The following NXN variants were observed in gnomAD, a reference collection of about 807,000 sequenced individuals.
The protein encoded by NXN is nucleoredoxin 1.
A neutral mutation model predicts 48.6 loss-of-function variants in NXN; 16 were observed. The observed-to-expected ratio is 0.33, with a 90% CI of 0.22 to 0.50. The LOEUF is 0.50. NXN is among the 20% of genes least tolerant of loss of function. NXN has a pLI of 0.98. For synonymous variants in NXN, 281 were observed against 269.6 expected, an observed-to-expected ratio of 1.04 and a Z score of -0.41; for missense variants, 492 against 605.5, an observed-to-expected ratio of 0.81 and a Z score of 1.97.
chr17:950,212 A>G (rs531507913), intron 1 of NXN, among the ~76,000 whole-genome samples: 72 of 152,316 alleles, frequency 4.7e-4, no homozygotes, highest in African/African-American at 1.7e-3. Context: ...GGACTGCAGC[A>G]GTAAAGCTGG....
chr17:894,704 G>A (rs1378977671), intron 1 of NXN, among the ~76,000 whole-genome samples: 1 of 152,222 alleles, frequency 6.6e-6, no homozygotes, highest in African/African-American at 2.4e-5. Context: ...TCCTGCCGGG[G>A]GCAGCCTCTG....
rs562147453 is a variant in NXN, at chr17:885,939, C to G, written c.361-59861G>C. On this transcript the variant is annotated intron_variant, in intron 1 of 7. Coordinates refer to ENST00000336868, the MANE Select transcript of NXN (RefSeq NM_022463.5). ...TCCTGACCTCGTGATCCGCCCGCCT[C>G]GGCCTCCCAAAGTGCTGGGATTATA... Among the ~76,000 whole-genome samples the G allele has an allele frequency of 1.5e-3, 232 of 152,020 alleles. 1 individual carries two copies. The highest frequency in any genetic ancestry group is 5.2e-3 in the African/African-American group (216 of 41,462).
At chr17:880,001 G>A (rs2068266446) in intron 1 of NXN, 1 of 152,166 alleles carries the variant, frequency 6.6e-6, no homozygotes, top group Non-Finnish European at 1.5e-5. Flanking sequence ...GAGCCATGTG[G>A]TTAAGATGGA....
intron 1 of NXN, among the ~76,000 whole-genome samples, chr17:966,160 G>A (rs367573530): frequency 6.6e-6 from 1 of 151,466 alleles, no homozygotes; most frequent in Non-Finnish European, 1.5e-5. Flanking sequence ...ATGAGATCTC[G>A]CGACATGGTA....
intron 1 of NXN, among the ~76,000 whole-genome samples, chr17:844,017 C>T (rs1209652867): frequency 1.3e-5 from 2 of 152,218 alleles, no homozygotes; most frequent in Admixed American, 6.5e-5. Context: ...TGCAAAAACA[C>T]GCCTGTCCAG....
intron 1 of NXN, among the ~76,000 whole-genome samples, chr17:931,108 C>G (rs73277453): frequency 0.25 from 38,432 of 151,888 alleles, 5,498 homozygotes; most frequent in East Asian, 0.41. Context: ...GATCTCTAGC[C>G]TAGCAGAAAA....
At chr17:813,658 A>AT (rs1424038662) in intron 5 of NXN, among the ~76,000 whole-genome samples, 67 of 149,950 alleles carry the variant, frequency 4.5e-4, no homozygotes, top group East Asian at 2.5e-3. Flanking sequence ...TAACTTCAGC[A>AT]TTTTTTTTTT....
intron 1 of NXN, among the ~76,000 whole-genome samples, chr17:924,930 G>A (rs1025142077): frequency 6.6e-6 from 1 of 152,354 alleles, no homozygotes; most frequent in Non-Finnish European, 1.5e-5. Flanking sequence ...AGGCCTGGGT[G>A]GCAATTTGGG....
At chr17:854,309 C>G (rs181134502) in intron 1 of NXN, among the ~76,000 whole-genome samples, 1 of 152,130 alleles carries the variant, frequency 6.6e-6, no homozygotes, top group Non-Finnish European at 1.5e-5. Context: ...TTCAGTTAGA[C>G]AGATATAGAA....
intron 1 of NXN, among the ~76,000 whole-genome samples, chr17:908,301 G>A (rs1452484001): frequency 2.0e-5 from 3 of 152,138 alleles, no homozygotes; most frequent in Non-Finnish European, 4.4e-5. Context: ...ACTTTGGGAG[G>A]CTGAGGCAGG....
chr17:851,800 A>C (rs191013934), intron 1 of NXN, among the ~76,000 whole-genome samples: 1 of 152,366 alleles, frequency 6.6e-6, no homozygotes, highest in Admixed American at 6.5e-5. Context: ...AATAGAGGCT[A>C]AGTGTCAAAA....
In NXN at chr17:937,735, C is replaced by T. The variant is rs574024290; in HGVS notation, c.360+41584G>A. Among the ~76,000 whole-genome samples, 5 of 152,292 alleles carry T rather than the reference C, an allele frequency of 3.3e-5. No homozygotes were observed. In the South Asian group the frequency reaches 1.0e-3, roughly 32 times the overall value. On this transcript the variant is annotated intron_variant, in intron 1 of 7. Transcript: ENST00000336868. ...CGAGCTGGCAGCCCACAACAGGTCA[C>T]GCTGTCACGGGGACGCCGGGAACCA...
chr17:865,010 C>T (rs370088924), intron 1 of NXN, among the ~76,000 whole-genome samples: 1 of 152,144 alleles, frequency 6.6e-6, no homozygotes, highest in Non-Finnish European at 1.5e-5. Context: ...TAGAACCACG[C>T]CTGGTTTATG....
Position 825,848 on chromosome 17 carries a change from G to T in NXN, c.478+113C>A. 1.5e-6 allele frequency: 1 copy of T among 686,028 alleles called. No homozygotes were observed. Among genetic ancestry groups the T allele is most frequent in the African/African-American group, 1.8e-5 (1 of 55,546 alleles). 42.5% of individuals were successfully genotyped at this position (686,028 alleles called of 1,614,324 possible). On this transcript the variant is annotated intron_variant, in intron 2 of 7. Transcript: ENST00000336868. This position sits in a 1 kb window ranked among gnomAD's most constrained non-coding sequence, Gnocchi z 4.1. ...GACATTCTCTACCACGTAAACCCAC[G>T]TGTATCTATTTCACCAGTACTCTCT...
intron 1 of NXN, among the ~76,000 whole-genome samples, chr17:880,859 G>A (rs939251227): frequency 2.6e-5 from 4 of 152,114 alleles, no homozygotes; most frequent in African/African-American, 9.7e-5. Context: ...TAATGCAGTT[G>A]GTTTGATAAC....
At position 802,935 on chromosome 17, in the gene NXN, T is replaced by C. The variant is rs535316234; in HGVS notation, c.1125+747A>G. Reference sequence around the variant, plus strand: ...GGCGGCCTCCAAAACTGTCTGTCAGTCAGTGGGGTGGGGTGGGGTGGGGAG... The same window carrying C: ...GGCGGCCTCCAAAACTGTCTGTCAGCCAGTGGGGTGGGGTGGGGTGGGGAG... On this transcript the variant is annotated intron_variant, in intron 7 of 7. Transcript: ENST00000336868. Among the ~76,000 whole-genome samples the C allele has an allele frequency of 3.8e-4, 42 of 109,808 alleles. 1 individual carries two copies. The South Asian group carries it at 0.013, about 34-fold the overall frequency. The allele number at this position is 109,808 out of a possible 152,430, so 72.0% of individuals were successfully genotyped here. A position where few individuals can be genotyped will look rare whatever the true frequency, so the allele number is the denominator to read the frequency against.
At chr17:976,518 A>C (rs971216357) in intron 1 of NXN, among the ~76,000 whole-genome samples, 2 of 152,178 alleles carry the variant, frequency 1.3e-5, no homozygotes, top group African/African-American at 4.8e-5. Flanking sequence ...TCAGTGTAAA[A>C]CAAAATTCCC....
chr17:827,214 C>T (rs1391243607), intron 1 of NXN, among the ~76,000 whole-genome samples: 1 of 151,814 alleles, frequency 6.6e-6, no homozygotes, highest in Non-Finnish European at 1.5e-5. Context: ...CGTGGTGGCT[C>T]ACATCTGTAA....
intron 1 of NXN, among the ~76,000 whole-genome samples, chr17:924,758 C>A (rs1311039716): frequency 6.6e-6 from 1 of 152,204 alleles, no homozygotes; most frequent in African/African-American, 2.4e-5. Flanking sequence ...CAGCCCCAGC[C>A]CTTGGCAGCA....
Sources: allele counts gnomAD v4.1 joint callset (sites outside exome capture counted in the v4.1 genomes callset), GRCh38; gene constraint gnomAD v4.1.1; non-coding constraint Gnocchi (gnomAD v3.1); transcripts MANE v1.5; gene names NCBI Gene and HGNC (gene_info 2026-07-23, HGNC 2026-07-21).